LRRC28: variants seen among roughly 807,000 people sequenced by gnomAD.
The protein encoded by LRRC28 is leucine-rich repeat-containing protein 28.
A neutral mutation model predicts 45.7 loss-of-function variants in LRRC28; 39 were observed. That is an observed-to-expected ratio of 0.85 (90% CI 0.66 to 1.12). The LOEUF (loss-of-function observed/expected upper bound fraction) is 1.12. LRRC28 is among the 50% of genes most tolerant of loss of function. The pLI is 0.00. For synonymous variants in LRRC28, 206 were observed against 178.8 expected (o/e 1.15, Z -1.22); for missense variants, 435 against 438.5 (o/e 0.99, Z 0.07).
intron 2 of LRRC28, among the ~76,000 whole-genome samples, chr15:99,269,614 G>A (rs1254176101): frequency 6.6e-6 from 1 of 152,210 alleles, no homozygotes; most frequent in Non-Finnish European, 1.5e-5. Flanking sequence ...TGTTGGCCGG[G>A]CTGGTCTTGA....
chr15:99,324,829 T>C (rs892128552), intron 5 of LRRC28, among the ~76,000 whole-genome samples: 2 of 152,060 alleles, frequency 1.3e-5, no homozygotes, highest in African/African-American at 4.8e-5. Context: ...GTAGAAAGGA[T>C]TGGGAGTGGT....
At chr15:99,271,395 C>G (rs1464992276) in intron 2 of LRRC28, among the ~76,000 whole-genome samples, 1 of 151,868 alleles carries the variant, frequency 6.6e-6, no homozygotes, top group African/African-American at 2.4e-5. Context: ...TCTCCTGCCT[C>G]AGCCTCCCAA....
chr15:99,273,647 G>A (rs1394703929), intron 2 of LRRC28, among the ~76,000 whole-genome samples: 3 of 152,214 alleles, frequency 2.0e-5, no homozygotes, highest in Non-Finnish European at 4.4e-5. Context: ...AAGACATAGA[G>A]ATGCTCTATT....
chr15:99,317,024 G>A (rs903845544), intron 5 of LRRC28, among the ~76,000 whole-genome samples: 6 of 151,606 alleles, frequency 4.0e-5, no homozygotes, highest in African/African-American at 1.5e-4. Context: ...TGGAGAGGTG[G>A]GGAAGGTTTT....
chr15:99,354,793 T>G (rs1212002053), intron 7 of LRRC28, among the ~76,000 whole-genome samples: 1 of 152,196 alleles, frequency 6.6e-6, no homozygotes, highest in South Asian at 2.1e-4. Context: ...CTCCCTTCGT[T>G]CTTCACTGCT....
chr15:99,335,620 G>A (rs1956296263), intron 6 of LRRC28, among the ~76,000 whole-genome samples: 1 of 152,072 alleles, frequency 6.6e-6, no homozygotes, highest in Admixed American at 6.6e-5. Flanking sequence ...CTGTGCCTGA[G>A]AATAGCCACT....
intron 6 of LRRC28, among the ~76,000 whole-genome samples, chr15:99,345,890 T>G (rs1956664625): frequency 6.6e-6 from 1 of 152,234 alleles, no homozygotes; most frequent in Admixed American, 6.5e-5. Context: ...TCTGCTCACA[T>G]GCCTTGTAAG....
rs1291727327 is a variant in LRRC28 at position 99,361,289 on chromosome 15, T to A, written c.696-47T>A. 5.1e-6 allele frequency: 8 copies of A among 1,557,426 alleles called. No homozygotes were observed. The Admixed American group carries it at 6.0e-5, about 12-fold the overall frequency. ...TAACACATTTTATTGGCACCCATAT[T>A]CTTTTCCTTATTGCTAATAATACTG... On this transcript the variant is annotated intron_variant, in intron 7 of 9. Coordinates refer to ENST00000301981, the MANE Select transcript of LRRC28 (RefSeq NM_144598.5).
At chr15:99,332,915 G>A (rs1271005188) in intron 5 of LRRC28, among the ~76,000 whole-genome samples, 1 of 152,192 alleles carries the variant, frequency 6.6e-6, no homozygotes, top group Non-Finnish European at 1.5e-5. Context: ...AACAGGGACA[G>A]GATGAGAGAA....
At chr15:99,333,711 C>G (rs1956228875) in intron 5 of LRRC28, 1 of 597,274 alleles carries the variant, frequency 1.7e-6, no homozygotes. Flanking sequence ...GCCCTTTTCT[C>G]CATTTAAGAA....
At chr15:99,330,958 T>A (rs1956141419) in intron 5 of LRRC28, among the ~76,000 whole-genome samples, 1 of 152,172 alleles carries the variant, frequency 6.6e-6, no homozygotes, top group South Asian at 2.1e-4. Context: ...TTTTTATGTA[T>A]CTTTGTCTTT....
chr15:99,313,332 C>G (rs1318241456), intron 5 of LRRC28, among the ~76,000 whole-genome samples: 2 of 151,992 alleles, frequency 1.3e-5, no homozygotes, highest in African/African-American at 4.8e-5. Flanking sequence ...GGGAAATAAA[C>G]AACGCAATTA....
At chr15:99,314,154 A>G (rs1352183265) in intron 5 of LRRC28, among the ~76,000 whole-genome samples, 1 of 152,168 alleles carries the variant, frequency 6.6e-6, no homozygotes, top group African/African-American at 2.4e-5. Context: ...TTAGCTATTT[A>G]AAAATATTGG....
intron 3 of LRRC28, among the ~76,000 whole-genome samples, chr15:99,278,936 T>C (rs2081699304): frequency 6.6e-6 from 1 of 152,254 alleles, no homozygotes; most frequent in Non-Finnish European, 1.5e-5. Context: ...CTCCATTTCT[T>C]GCTTGATGTT....
intron 9 of LRRC28, among the ~76,000 whole-genome samples, chr15:99,367,613 G>A (rs1163965657): frequency 2.0e-5 from 3 of 152,106 alleles, no homozygotes; most frequent in Non-Finnish European, 4.4e-5. Context: ...CATAAACTTT[G>A]GAGGGGACAT....
Position 99,305,990 on chromosome 15 carries a change from A to G in LRRC28, c.385+18039A>G, listed in dbSNP as rs140607135. 6.3e-3 allele frequency among the ~76,000 whole-genome samples: 954 copies of G among 152,360 alleles called. 14 individuals carry two copies. The highest frequency in any genetic ancestry group is 0.022 in the African/African-American group (894 of 41,580). On this transcript the variant is annotated intron_variant, in intron 5 of 9. Coordinates refer to ENST00000301981, the MANE Select transcript of LRRC28 (RefSeq NM_144598.5). ...TAGTAGTTCATTTATTTTTAACAAC[A>G]TGATTAAGGCTATTCAGAAGAATAC...
chr15:99,258,782 C>T (rs2081103499), intron 2 of LRRC28: 1 of 694,404 alleles, frequency 1.4e-6, no homozygotes, highest in Non-Finnish European at 2.8e-6. Flanking sequence ...TTTATTTGTA[C>T]CCACATTTGT....
At chr15:99,325,138 T>C (rs188704340) in intron 5 of LRRC28, among the ~76,000 whole-genome samples, 140 of 152,318 alleles carry the variant, frequency 9.2e-4, no homozygotes, top group African/African-American at 3.2e-3. Flanking sequence ...AGCATATAAG[T>C]TTTGTACTAC....
chr15:99,259,724 G>C, intron 2 of LRRC28: 4 of 1,425,798 alleles, frequency 2.8e-6, no homozygotes, highest in Non-Finnish European at 4.0e-6. Context: ...AATTAAGGAA[G>C]ATGAAGATGA....
Sources: gnomAD v4.1 joint callset for allele counts (sites outside exome capture counted in the v4.1 genomes callset) on GRCh38, gnomAD v4.1.1 for gene constraint, MANE v1.5 for transcripts, NCBI Gene and HGNC (gene_info 2026-07-23, HGNC 2026-07-21) for gene names.